The following GBP2 variants were observed in gnomAD, a reference collection of about 807,000 sequenced individuals.
GBP2 encodes the protein guanylate binding protein 2.
Under a neutral mutation model 60.8 loss-of-function variants are expected in GBP2, and 54 were observed. That is an observed-to-expected ratio of 0.89 (90% CI 0.71 to 1.11). GBP2 has a LOEUF of 1.11. GBP2 is among the 50% of genes most tolerant of loss of function. The probability of loss-of-function intolerance (pLI) is 0.00; values close to 1 mark genes in which losing one functional copy is unlikely to be tolerated. For synonymous variants in GBP2, 243 were observed against 256.5 expected (o/e 0.95, Z 0.50); for missense variants, 665 against 703.3 (o/e 0.95, Z 0.62).
intron 4 of GBP2, chr1:89,119,734 C>T (rs1207247554): frequency 1.3e-5 from 2 of 155,824 alleles, no homozygotes; most frequent in African/African-American, 4.8e-5. Context: ...TCATCTCTTA[C>T]ACTTATGATA....
intron 10 of GBP2, among the ~76,000 whole-genome samples, chr1:89,108,767 A>G (rs1033891404): frequency 6.6e-6 from 1 of 152,240 alleles, no homozygotes. Context: ...TGAGGAGATC[A>G]GGGCTTACAG....
intron 4 of GBP2, 174 bp from the exon 5 acceptor site, chr1:89,117,947 C>A (rs1681313667): frequency 1.7e-6 from 1 of 582,538 alleles, no homozygotes; most frequent in African/African-American, 1.9e-5. Flanking sequence ...TACTATGAAC[C>A]AAGCACTGCC....
rs191403927 is a variant in GBP2, at chr1:89,113,998, G to A, written c.1149+18C>T. On this transcript the variant is annotated intron_variant, in intron 7 of 10. Coordinates refer to ENST00000370466, the MANE Select transcript of GBP2 (RefSeq NM_004120.5). The stretch of plus-strand genomic sequence containing the variant: ...CCCATATTTTTCTGCCTCTCATGAC[G>A]TAGAACACCAAATATACCCCTAATT... The A allele has an allele frequency of 2.6e-4, 421 of 1,613,368 alleles. No homozygotes were observed. The highest frequency in any genetic ancestry group is 1.2e-3 in the Middle Eastern group (7 of 6,060).
At position 89,112,666 on chromosome 1, in the gene GBP2, G is replaced by T. The variant is rs1160898521; in HGVS notation, c.1168C>A (p.Arg390=). The T allele has an allele frequency of 3.1e-6, 5 of 1,613,986 alleles. No individual in the cohort carries two copies. The highest frequency in any genetic ancestry group is 1.1e-5 in the South Asian group (1 of 91,082). The change falls in exon 8 of 11, where the codon CGA becomes AGA. Residue 390 remains arginine (R), a synonymous_variant. Coordinates refer to ENST00000370466, the MANE Select transcript of GBP2 (RefSeq NM_004120.5). ...GAATTCTGCTTACAAAAGTCATCTC[G>T]CCTTGCTTCCAACTGGGCCTGTGAA... is the stretch of plus-strand genomic sequence containing the variant. The part of the protein sequence containing the change: ...RKLGAQLEAR[R]DDFCKQNSKA...
At chr1:89,110,500 C>G (rs1261031123) in intron 8 of GBP2, among the ~76,000 whole-genome samples, 4 of 151,808 alleles carry the variant, frequency 2.6e-5, no homozygotes, top group Non-Finnish European at 4.4e-5. Flanking sequence ...ACATATAATA[C>G]CCCCCCACAC....
At position 89,117,747 on chromosome 1, in the gene GBP2, A is replaced by G. The variant is rs915641793; in HGVS notation, c.455T>C (p.Ile152Thr). ...GTTACCAGGTGAGGAGTTTGCCTTG[A>G]TTCGATCTGTCAGCTCTGTCACATA... ...LHYVTELTDR[I>T]KANSSPGNNS... Residue 152 changes from isoleucine to threonine, a missense_variant, in exon 5 of 11, where the codon ATC becomes ACC. By Grantham distance (89) the Ile-to-Thr change is moderately conservative. Transcript: ENST00000370466. The G allele has an allele frequency of 5.6e-6, 9 of 1,613,446 alleles. No homozygotes were observed. Among genetic ancestry groups the G allele is most frequent in the Non-Finnish European group, 7.6e-6 (9 of 1,179,780 alleles).
rs1681073384 is a variant in GBP2, at chr1:89,107,164, G to A, written c.*1011C>T. 1 of 150,894 alleles carries A rather than the reference G, an allele frequency of 6.6e-6. No homozygotes were observed. The highest frequency in any genetic ancestry group is 2.1e-4 in the South Asian group (1 of 4,788). The allele number at this position is 150,894 out of a possible 1,614,324, so 9.3% of individuals were successfully genotyped here. On this transcript the variant is annotated 3_prime_UTR_variant, in exon 11 of 11. Transcript: ENST00000370466. ...CCTGAAACAATTGTAGTAGGATAAT[G>A]TTTTGTATTAATGAATTATTCTTGA...
Position 89,108,309 on chromosome 1 carries a change from G to A in GBP2, c.1660-18C>T. ...TCCTGTTCCTAAAAGGGAAAGTGGA[G>A]ACTAAGCCTATCCAGCTTAACACAT... On this transcript the variant is annotated intron_variant, in intron 10 of 10. Coordinates refer to ENST00000370466, the MANE Select transcript of GBP2 (RefSeq NM_004120.5). 6.8e-7 allele frequency: 1 copy of A among 1,468,930 alleles called. No individual in the cohort carries two copies. Among genetic ancestry groups the A allele is most frequent in the Non-Finnish European group, 9.5e-7 (1 of 1,049,116 alleles). The allele number at this position is 1,468,930 out of a possible 1,614,324, so 91.0% of individuals were successfully genotyped here. A position where few individuals can be genotyped will look rare whatever the true frequency, so the allele number is the denominator to read the frequency against.
chr1:89,124,165 C>T (rs922898295), intron 1 of GBP2, among the ~76,000 whole-genome samples: 1 of 152,180 alleles, frequency 6.6e-6, no homozygotes, highest in Non-Finnish European at 1.5e-5. Context: ...TAATATTTAG[C>T]AATTACAAAC....
At chr1:89,112,418 T>A in intron 8 of GBP2, 54 bp downstream of exon 8, 1 of 1,515,060 alleles carries the variant, frequency 6.6e-7, no homozygotes, top group Non-Finnish European at 9.1e-7. Context: ...CCAGTGGGCT[T>A]TAAAAGCATC....
intron 3 of GBP2, 35 bp downstream of exon 3, chr1:89,121,108 C>G (rs562452553): frequency 1.9e-6 from 3 of 1,579,008 alleles, no homozygotes; most frequent in South Asian, 2.2e-5. Flanking sequence ...TTTAATCTAC[C>G]TAAGTGAAAT....
Position 89,123,372 on chromosome 1 carries a change from T to C in GBP2, c.-17-1389A>G, listed in dbSNP as rs371761337. 3.7e-4 allele frequency among the ~76,000 whole-genome samples: 56 copies of C among 152,336 alleles called. 6 individuals carry two copies. The highest frequency in any genetic ancestry group is 9.2e-4 in the Admixed American group (14 of 15,296). On this transcript the variant is annotated intron_variant, in intron 1 of 10. Transcript: ENST00000370466. ...CATCTACATTTATTTCTCGTCTATCTGTTTCTATATATAAGCTTAAGTTTC... is the reference window on the plus strand; with the variant it reads ...CATCTACATTTATTTCTCGTCTATCCGTTTCTATATATAAGCTTAAGTTTC...
Position 89,107,825 on chromosome 1 carries a change from G to C in GBP2, c.*350C>G, listed in dbSNP as rs6671285. Among the ~76,000 whole-genome samples the C allele has an allele frequency of 6.6e-6, 1 of 152,140 alleles. No individual in the cohort carries two copies. The highest frequency in any genetic ancestry group is 1.5e-5 in the Non-Finnish European group (1 of 68,030). ...AATATACAGTAAGGGTGGTGCATAT[G>C]AGAGAAAAAAATCTACCCAGAACAG... On this transcript the variant is annotated 3_prime_UTR_variant, in exon 11 of 11. Coordinates refer to ENST00000370466, the MANE Select transcript of GBP2 (RefSeq NM_004120.5).
At position 89,110,193 on chromosome 1, in the gene GBP2, G is replaced by A; in HGVS notation, c.1436C>T (p.Ser479Leu). 6.2e-7 allele frequency: 1 copy of A among 1,613,474 alleles called. No individual in the cohort carries two copies. The highest frequency in any genetic ancestry group is 1.6e-4 in the Middle Eastern group (1 of 6,062). ...VADALLQTDQ[S>L]LSEKEKAIEV... ...AATCGCTTTTTCCTTTTCTGAGAGTGACTGATCAGTCTGTAGAAGTGCATC... is the reference window on the plus strand; with the variant it reads ...AATCGCTTTTTCCTTTTCTGAGAGTAACTGATCAGTCTGTAGAAGTGCATC... Residue 479 changes from serine (S) to leucine (L), a missense_variant, in exon 9 of 11, where the codon TCA becomes TTA. By Grantham distance (145) the Ser-to-Leu change is moderately radical. Coordinates refer to ENST00000370466, the MANE Select transcript of GBP2 (RefSeq NM_004120.5).
At chr1:89,112,450 T>G in intron 8 of GBP2, 22 bp downstream of exon 8, 4 of 1,605,450 alleles carry the variant, frequency 2.5e-6, no homozygotes, top group Non-Finnish European at 3.4e-6. Flanking sequence ...TCCCAAGAAA[T>G]GGTACCCACC....
At chr1:89,125,452 GA>G (rs1330983657) in intron 1 of GBP2, among the ~76,000 whole-genome samples, 1 of 152,158 alleles carries the variant, frequency 6.6e-6, no homozygotes, top group Non-Finnish European at 1.5e-5. Context: ...GACTGACTCA[GA>G]AAAGTAGCTG....
intron 10 of GBP2, among the ~76,000 whole-genome samples, chr1:89,108,998 C>T (rs879937512): frequency 2.0e-5 from 3 of 151,704 alleles, no homozygotes; most frequent in Non-Finnish European, 2.9e-5. Flanking sequence ...CAGGTTCAAG[C>T]GATTCTCCTG....
chr1:89,108,369 T>C (rs1681096105), intron 10 of GBP2, 78 bp from the exon 11 acceptor site: 19 of 832,678 alleles, frequency 2.3e-5, no homozygotes, highest in South Asian at 8.0e-5. Flanking sequence ...GGTACTTATA[T>C]TGATCCTTCA....
rs746374299 is a variant in GBP2, at chr1:89,110,164, C to G, written c.1465G>C (p.Val489Leu). The G allele has an allele frequency of 6.2e-7, 1 of 1,610,262 alleles. No homozygotes were observed. The highest frequency in any genetic ancestry group is 1.1e-5 in the South Asian group (1 of 90,944). The change falls in exon 9 of 11, where the codon GTG becomes CTG. Residue 489 changes from valine to leucine, a missense_variant and splice_region_variant. By Grantham distance (32) the Val-to-Leu change is conservative (BLOSUM62 1). Transcript: ENST00000370466. ...GTAGAGTGTTTTCAGCTGTTCTCAC[C>G]TTCAATCGCTTTTTCCTTTTCTGAG... is the stretch of plus-strand genomic sequence containing the variant. The part of the protein sequence containing the change: ...SLSEKEKAIE[V>L]ERIKAESAEA...
Sources: allele counts gnomAD v4.1 joint callset (sites outside exome capture counted in the v4.1 genomes callset), GRCh38; gene constraint gnomAD v4.1.1; transcripts MANE v1.5; gene names NCBI Gene and HGNC (gene_info 2026-07-23, HGNC 2026-07-21).